The following PARVA variants were observed in gnomAD, a reference collection of about 807,000 sequenced individuals.
PARVA encodes parvin alpha.
Under a neutral mutation model 52.6 loss-of-function variants are expected in PARVA, and 25 were observed. The observed-to-expected ratio is 0.48, with a 90% CI of 0.35 to 0.66. The LOEUF (loss-of-function observed/expected upper bound fraction) is 0.66, where lower values mean the gene tolerates loss of function less well. Among genes scored for constraint, PARVA ranks in the 30% least tolerant of loss-of-function variants. The pLI, the probability that PARVA is intolerant of heterozygous loss-of-function variation, is 0.01. For synonymous variants in PARVA, 185 were observed against 179.1 expected (o/e 1.03, Z -0.26); for missense variants, 373 against 450.9 (o/e 0.83, Z 1.56).
intron 12 of PARVA, among the ~76,000 whole-genome samples, chr11:12,524,723 T>A (rs1361767659): frequency 6.6e-6 from 1 of 152,188 alleles, no homozygotes; most frequent in East Asian, 1.9e-4. Context: ...TCTCTGGAAT[T>A]TTTTTCCTTG....
intron 6 of PARVA, 60 bp from the exon 7 acceptor site, chr11:12,508,524 A>G (rs570939742): frequency 7.6e-6 from 9 of 1,178,020 alleles, no homozygotes; most frequent in Admixed American, 3.4e-5. Flanking sequence ...GTGTTTCTGT[A>G]TTTTTCTAAA....
At chr11:12,430,738 GATAGTT>G (rs1940304845) in intron 1 of PARVA, among the ~76,000 whole-genome samples, 1 of 152,152 alleles carries the variant, frequency 6.6e-6, no homozygotes, top group Non-Finnish European at 1.5e-5. Flanking sequence ...TATAATAGAG[GATAGTT>G]ATAGACATAT....
rs948736500 is a variant in PARVA, at chr11:12,530,670, G to C, written c.*2745G>C. ...CACAAACATACATATAAAATCTGCG[G>C]GCTTCAAAAAATATAAGTAGGATGT... is the stretch of plus-strand genomic sequence containing the variant. On this transcript the variant is annotated 3_prime_UTR_variant, in exon 13 of 13. Transcript: ENST00000334956. The C allele has an allele frequency of 2.6e-5, 4 of 152,074 alleles. No individual in the cohort carries two copies. Among genetic ancestry groups the C allele is most frequent in the Admixed American group, 6.5e-5 (1 of 15,274 alleles). 9.4% of individuals were successfully genotyped at this position (152,074 alleles called of 1,614,324 possible). A position where few individuals can be genotyped will look rare whatever the true frequency, so the allele number is the denominator to read the frequency against.
intron 1 of PARVA, among the ~76,000 whole-genome samples, chr11:12,465,450 C>T (rs1269103247): frequency 6.6e-6 from 1 of 152,204 alleles, no homozygotes; most frequent in Non-Finnish European, 1.5e-5. Flanking sequence ...TGGACTAAGA[C>T]ATTTCTTATA....
intron 8 of PARVA, chr11:12,513,036 C>T (rs1253351859): frequency 1.6e-6 from 1 of 639,046 alleles, no homozygotes; most frequent in East Asian, 3.0e-5. Context: ...TCCCGGGTCA[C>T]ACTACCTAAA....
At chr11:12,439,804 C>T (rs1335945101) in intron 1 of PARVA, among the ~76,000 whole-genome samples, 2 of 152,218 alleles carry the variant, frequency 1.3e-5, no homozygotes, top group African/African-American at 4.8e-5. Flanking sequence ...AAAGCCTCTG[C>T]ACTTCCTGTT....
chr11:12,510,854 G>T (rs1394581707), intron 7 of PARVA, among the ~76,000 whole-genome samples: 1 of 152,114 alleles, frequency 6.6e-6, no homozygotes. Flanking sequence ...TGAGATTTGG[G>T]GAGGGACACA....
Position 12,441,052 on chromosome 11 carries a change from T to G in PARVA, c.137-32693T>G, listed in dbSNP as rs540397299. On this transcript the variant is annotated intron_variant, in intron 1 of 12. Coordinates refer to ENST00000334956, the MANE Select transcript of PARVA (RefSeq NM_018222.5). The stretch of plus-strand genomic sequence containing the variant: ...CAGGAAATCTTAAGGCACAGGATTT[T>G]GCCTACCACTGTATTTTTAAACAAT... Among the ~76,000 whole-genome samples, 39 of 152,328 alleles carry G rather than the reference T, an allele frequency of 2.6e-4. 1 individual carries two copies. The highest frequency in any genetic ancestry group is 6.8e-3 in the Middle Eastern group (2 of 294).
intron 10 of PARVA, among the ~76,000 whole-genome samples, chr11:12,515,015 A>G (rs2135079955): frequency 6.6e-6 from 1 of 152,286 alleles, no homozygotes; most frequent in South Asian, 2.1e-4. Context: ...TATTAGATTC[A>G]GGTCATGCAT....
chr11:12,510,210 G>T (rs1424523219), intron 7 of PARVA, among the ~76,000 whole-genome samples: 2 of 152,112 alleles, frequency 1.3e-5, no homozygotes, highest in Non-Finnish European at 2.9e-5. Context: ...CTGTGCCCTT[G>T]GTTTATCCAG....
intron 12 of PARVA, among the ~76,000 whole-genome samples, chr11:12,523,799 A>G (rs1264608640): frequency 2.0e-5 from 3 of 152,346 alleles, no homozygotes; most frequent in East Asian, 1.9e-4. Flanking sequence ...CACAGAGGCT[A>G]TCAGAACTGA....
chr11:12,529,564 C>T lies in PARVA; in HGVS notation c.*1639C>T, dbSNP rs1941746307. The T allele has an allele frequency of 6.6e-6, 1 of 152,212 alleles. No individual in the cohort carries two copies. Among genetic ancestry groups the T allele is most frequent in the Admixed American group, 6.5e-5 (1 of 15,278 alleles). The allele number at this position is 152,212 out of a possible 1,614,324, so 9.4% of individuals were successfully genotyped here. On this transcript the variant is annotated 3_prime_UTR_variant, in exon 13 of 13. Transcript: ENST00000334956. ...CCAGAAGTCTGTGACTACCTTGTCA[C>T]TACTTTAGGCCCATTCCACAAAGCC... is the stretch of plus-strand genomic sequence containing the variant.
chr11:12,377,270 G>A, upstream of PARVA: 1 of 492,730 alleles, frequency 2.0e-6, no homozygotes, highest in Non-Finnish European at 3.3e-6. Flanking sequence ...TTGGTTCTCA[G>A]ATGTGTTTTG....
chr11:12,507,648 A>G (rs1941448877), intron 6 of PARVA, among the ~76,000 whole-genome samples: 1 of 152,106 alleles, frequency 6.6e-6, no homozygotes, highest in South Asian at 2.1e-4. Context: ...TGACCATTCT[A>G]GCTAAAAGTG....
At chr11:12,423,237 G>A (rs1940178539) in intron 1 of PARVA, among the ~76,000 whole-genome samples, 1 of 148,610 alleles carries the variant, frequency 6.7e-6, no homozygotes, top group Non-Finnish European at 1.5e-5. Context: ...GGACTGCAGT[G>A]GCGTGAACAC....
intron 1 of PARVA, among the ~76,000 whole-genome samples, chr11:12,435,849 G>C (rs1270492394): frequency 6.6e-6 from 1 of 152,038 alleles, no homozygotes; most frequent in Non-Finnish European, 1.5e-5. Flanking sequence ...ATGAAGTCTT[G>C]CTTTGTCGCC....
intron 12 of PARVA, among the ~76,000 whole-genome samples, chr11:12,522,445 A>T (rs1170696799): frequency 3.7e-5 from 4 of 108,300 alleles, no homozygotes; most frequent in Non-Finnish European, 7.4e-5. Flanking sequence ...TTTTCTTGAG[A>T]CGGAGTTTCG....
chr11:12,466,912 A>G (rs1193752722), intron 1 of PARVA, among the ~76,000 whole-genome samples: 1 of 152,214 alleles, frequency 6.6e-6, no homozygotes, highest in Non-Finnish European at 1.5e-5. Flanking sequence ...CAGTTTGTCA[A>G]TATCCACAAA....
At chr11:12,493,561 CACAAA>C (rs966568374) in intron 4 of PARVA, among the ~76,000 whole-genome samples, 10 of 148,968 alleles carry the variant, frequency 6.7e-5, no homozygotes, top group East Asian at 2.0e-4. Context: ...ACATTTGCAA[CACAAA>C]ACAAAGCCAC....
Sources: allele counts gnomAD v4.1 joint callset (sites outside exome capture counted in the v4.1 genomes callset), GRCh38; gene constraint gnomAD v4.1.1; transcripts MANE v1.5; gene names NCBI Gene and HGNC (gene_info 2026-07-23, HGNC 2026-07-21).